Variants in GNG4 observed in about 807,000 individuals in gnomAD.
The protein encoded by GNG4 is guanine nucleotide-binding protein G(I)/G(S)/G(O) subunit gamma-4.
GNG4 carries 4 observed loss-of-function variants against 5.8 expected under a neutral mutation model. The observed-to-expected ratio is 0.69, with a 90% CI of 0.34 to 1.57. GNG4 has a LOEUF of 1.57. GNG4 is among the 40% of genes most tolerant of loss of function. The pLI is 0.06. For synonymous variants in GNG4, 29 were observed against 32.9 expected, an observed-to-expected ratio of 0.88 and a Z score of 0.41; for missense variants, 96 against 95.1, an observed-to-expected ratio of 1.01 and a Z score of -0.04.
At chr1:235,637,057 CA>C (rs61512163) in intron 1 of GNG4, among the ~76,000 whole-genome samples, 1,831 of 134,332 alleles carry the variant, frequency 0.014, 39 homozygotes, top group East Asian at 0.1. Context: ...GACTCCGTCT[CA>C]AAAAAAAAAA....
At chr1:235,633,885 A>G (rs1688980055) in intron 1 of GNG4, among the ~76,000 whole-genome samples, 2 of 152,218 alleles carry the variant, frequency 1.3e-5, no homozygotes, top group Non-Finnish European at 2.9e-5. Context: ...AGCAAGAAAA[A>G]TGTACACATG....
intron 2 of GNG4, among the ~76,000 whole-genome samples, chr1:235,585,207 TTTTCC>T (rs142815662): frequency 3.6e-4 from 54 of 150,988 alleles, no homozygotes; most frequent in African/African-American, 1.0e-3. Flanking sequence ...TTCTTTTTCC[TTTTCC>T]TTTCCTTTCC....
At chr1:235,635,729 C>A (rs1226221345) in intron 1 of GNG4, among the ~76,000 whole-genome samples, 1 of 152,146 alleles carries the variant, frequency 6.6e-6, no homozygotes, top group Non-Finnish European at 1.5e-5. Flanking sequence ...TTTTCAGTAT[C>A]TGTCGCCACA....
chr1:235,604,967 T>C (rs1267448189), intron 1 of GNG4, among the ~76,000 whole-genome samples: 1 of 152,168 alleles, frequency 6.6e-6, no homozygotes, highest in Admixed American at 6.6e-5. Context: ...GAGCATGAAC[T>C]GAGAAGCAGA....
chr1:235,628,643 C>T (rs1360957911), intron 1 of GNG4, among the ~76,000 whole-genome samples: 1 of 152,200 alleles, frequency 6.6e-6, no homozygotes, highest in Non-Finnish European at 1.5e-5. Flanking sequence ...GCAACCCAAG[C>T]AGGCCAAACA....
At chr1:235,577,181 T>A (rs1320618413) in intron 3 of GNG4, among the ~76,000 whole-genome samples, 2 of 152,114 alleles carry the variant, frequency 1.3e-5, no homozygotes, top group Non-Finnish European at 2.9e-5. Context: ...TACCATGCCA[T>A]CCCGGGGGCT....
intron 1 of GNG4, among the ~76,000 whole-genome samples, chr1:235,605,082 A>G (rs1688330980): frequency 1.3e-5 from 2 of 152,238 alleles, no homozygotes; most frequent in Admixed American, 1.3e-4. Context: ...GCTAATAAGC[A>G]GCAAAAATAA....
At chr1:235,559,045 A>G (rs1225286467) in intron 3 of GNG4, among the ~76,000 whole-genome samples, 2 of 152,240 alleles carry the variant, frequency 1.3e-5, no homozygotes, top group African/African-American at 4.8e-5. Context: ...GACAGATGAC[A>G]TAATTATTAT....
chr1:235,647,347 A>G (rs187022408), intron 1 of GNG4, among the ~76,000 whole-genome samples: 202 of 151,888 alleles, frequency 1.3e-3, no homozygotes, highest in African/African-American at 4.7e-3. Context: ...CTACTTCAAA[A>G]TTCCACGAAG....
At chr1:235,594,618 G>C (rs928699439) in intron 2 of GNG4, among the ~76,000 whole-genome samples, 1 of 152,234 alleles carries the variant, frequency 6.6e-6, no homozygotes, top group African/African-American at 2.4e-5. Flanking sequence ...GAGCACAGCA[G>C]CTGCTGGCCC....
chr1:235,568,791 TC>T (rs1687265939), intron 3 of GNG4, among the ~76,000 whole-genome samples: 2 of 95,064 alleles, frequency 2.1e-5, no homozygotes, highest in Non-Finnish European at 4.6e-5. Flanking sequence ...TCTTTTTCTT[TC>T]CTTTTTTTTT....
At chr1:235,589,956 G>C (rs1687919480) in intron 2 of GNG4, among the ~76,000 whole-genome samples, 1 of 152,098 alleles carries the variant, frequency 6.6e-6, no homozygotes, top group Non-Finnish European at 1.5e-5. Context: ...CTCAGCCAAG[G>C]CTAACACTTC....
At chr1:235,646,117 C>A (rs1657504970) in intron 1 of GNG4, among the ~76,000 whole-genome samples, 1 of 152,200 alleles carries the variant, frequency 6.6e-6, no homozygotes, top group Non-Finnish European at 1.5e-5. Flanking sequence ...ATCTCTAGGG[C>A]CTTCCATGGC....
At chr1:235,637,260 C>T (rs933145451) in intron 1 of GNG4, among the ~76,000 whole-genome samples, 3 of 151,908 alleles carry the variant, frequency 2.0e-5, no homozygotes, top group Non-Finnish European at 4.4e-5. Flanking sequence ...GCTTACGTGT[C>T]CTTTATTTAA....
chr1:235,623,111 C>T (rs898574233), intron 1 of GNG4, among the ~76,000 whole-genome samples: 4 of 152,100 alleles, frequency 2.6e-5, no homozygotes, highest in African/African-American at 9.7e-5. Flanking sequence ...CTGCCACACC[C>T]TCCAGTTCAA....
chr1:235,559,919 C>G (rs1054851162), intron 3 of GNG4, among the ~76,000 whole-genome samples: 1 of 152,178 alleles, frequency 6.6e-6, no homozygotes. Flanking sequence ...ACATGGCCTT[C>G]AGCACAGGAA....
chr1:235,642,460 C>G lies in GNG4; in HGVS notation c.-123+7202G>C, dbSNP rs1036875329. 2.6e-5 allele frequency among the ~76,000 whole-genome samples: 4 copies of G among 152,132 alleles called. No homozygotes were observed. Among genetic ancestry groups the G allele is most frequent in the Admixed American group, 6.5e-5 (1 of 15,268 alleles). ...GCAAGAGACGGGTGCTAACAGCGTCCGAGCCAATCCGTAAGCATCAGAGGG... is the reference window on the plus strand; with the variant it reads ...GCAAGAGACGGGTGCTAACAGCGTCGGAGCCAATCCGTAAGCATCAGAGGG... On this transcript the variant is annotated intron_variant, in intron 1 of 3. Coordinates refer to ENST00000391854, the MANE Select transcript of GNG4 (RefSeq NM_001098722.2). This position sits in a 1 kb window ranked among gnomAD's most constrained non-coding sequence, Gnocchi z 4.3.
intron 3 of GNG4, among the ~76,000 whole-genome samples, chr1:235,577,525 C>A (rs950672780): frequency 3.3e-5 from 5 of 152,178 alleles, no homozygotes; most frequent in African/African-American, 9.7e-5. Context: ...ACTGCAACCT[C>A]CGCCTCCTGG....
At chr1:235,557,880 C>G (rs1686959765) in intron 3 of GNG4, among the ~76,000 whole-genome samples, 1 of 152,154 alleles carries the variant, frequency 6.6e-6, no homozygotes, top group Admixed American at 6.5e-5. Context: ...GTCTGCAACA[C>G]CCTAACAATT....
Sources: gnomAD v4.1 joint callset for allele counts (sites outside exome capture counted in the v4.1 genomes callset) on GRCh38, gnomAD v4.1.1 for gene constraint, Gnocchi (gnomAD v3.1) non-coding constraint, MANE v1.5 for transcripts, NCBI Gene and HGNC (gene_info 2026-07-23, HGNC 2026-07-21) for gene names.